UPF2: variants seen among roughly 807,000 people sequenced by gnomAD.
UPF2 encodes regulator of nonsense transcripts 2.
In UPF2, 17 loss-of-function variants were observed where a neutral mutation model predicts 141.4. The observed-to-expected ratio is 0.12, with a 90% CI of 0.08 to 0.18. The LOEUF is 0.18. Ranked by LOEUF, UPF2 falls within the 10% of genes least tolerant of loss-of-function variation. The pLI, the probability that UPF2 is intolerant of heterozygous loss-of-function variation, is 1.00. For missense variants in UPF2, 1,152 were observed against 1,515.9 expected (o/e 0.76, Z 3.99); for synonymous variants, 540 against 498.0 (o/e 1.08, Z -1.12).
At chr10:11,934,077 C>A (rs1832813665) in intron 19 of UPF2, among the ~76,000 whole-genome samples, 1 of 151,930 alleles carries the variant, frequency 6.6e-6, no homozygotes, top group African/African-American at 2.4e-5. Context: ...GCCAAGAAAG[C>A]CGGTGATGGG....
In UPF2 at chr10:11,920,660, T is replaced by C. The variant is rs1200482772; in HGVS notation, c.*638A>G. 2 of 244,764 alleles carry C rather than the reference T, an allele frequency of 8.2e-6. No individual in the cohort carries two copies. Among genetic ancestry groups the C allele is most frequent in the Admixed American group, 5.1e-5 (1 of 19,766 alleles). 15.2% of individuals were successfully genotyped at this position (244,764 alleles called of 1,614,324 possible). The stretch of plus-strand genomic sequence containing the variant: ...ATAGGCAATTTTATAGCACTGACTC[T>C]GATGGATAAAACGGATTTTTCTCCC... On this transcript the variant is annotated 3_prime_UTR_variant, in exon 22 of 22. Transcript: ENST00000357604.
In UPF2 at chr10:11,936,769, C is replaced by T; in HGVS notation, c.3379-57G>A. 6.8e-7 allele frequency: 1 copy of T among 1,460,412 alleles called. No homozygotes were observed. 90.5% of individuals were successfully genotyped at this position (1,460,412 alleles called of 1,614,324 possible). A position where few individuals can be genotyped will look rare whatever the true frequency, so the allele number is the denominator to read the frequency against. ...CTCCAAGATATATACGGATATATGT[C>T]AATATAAATTGCAAACTCATTCAAT... On this transcript the variant is annotated intron_variant, in intron 18 of 21. Transcript: ENST00000357604. The surrounding 1 kb of genome is among the most constrained non-coding windows in gnomAD (Gnocchi z 6.6).
At chr10:12,015,430 G>A (rs1261754932) in intron 3 of UPF2, among the ~76,000 whole-genome samples, 1 of 152,194 alleles carries the variant, frequency 6.6e-6, no homozygotes, top group African/African-American at 2.4e-5. Context: ...GGCCAGGCAT[G>A]GTGACTCACG....
intron 19 of UPF2, among the ~76,000 whole-genome samples, chr10:11,934,098 G>A (rs900485386): frequency 3.3e-5 from 5 of 152,186 alleles, no homozygotes; most frequent in African/African-American, 4.8e-5. Context: ...GGGAATGGAG[G>A]AGGAAGCTAA....
At chr10:11,993,010 C>T (rs970253055) in intron 8 of UPF2, among the ~76,000 whole-genome samples, 24 of 151,790 alleles carry the variant, frequency 1.6e-4, no homozygotes, top group African/African-American at 5.3e-4. Context: ...ATTACCCGGG[C>T]GTGGTGGTAC....
In UPF2 at chr10:11,999,816, TCAAA is replaced by T. The variant is rs1400479627; in HGVS notation, c.1758+86_1758+89del. 1.0e-5 allele frequency: 11 copies of T among 1,067,766 alleles called. 1 individual carries two copies. The South Asian group carries it at 1.1e-4, about 10-fold the overall frequency. 66.1% of individuals were successfully genotyped at this position (1,067,766 alleles called of 1,614,324 possible). A position where few individuals can be genotyped will look rare whatever the true frequency, so the allele number is the denominator to read the frequency against. The stretch of plus-strand genomic sequence containing the variant: ...TTGAAGAAATGGTGGACTTTGTAGC[TCAAA>T]CAGTCTAAAAACCATAGACATTCCT... On this transcript the variant is annotated intron_variant, in intron 7 of 21. Transcript: ENST00000357604.
chr10:11,990,965 G>C (rs531785141), intron 8 of UPF2, among the ~76,000 whole-genome samples: 95 of 144,914 alleles, frequency 6.6e-4, no homozygotes, highest in African/African-American at 2.4e-3. Context: ...TTCAGCGCTT[G>C]AGCGACAGAG....
chr10:11,956,373 C>T lies in UPF2; in HGVS notation c.2521G>A (p.Val841Ile), dbSNP rs1204048757. Residue 841 changes from valine (V) to isoleucine (I), a missense_variant, in exon 13 of 22, where the codon GTT becomes ATT. Physicochemically the swap from Val to Ile is conservative, Grantham distance 29. This residue lies in a region of UPF2 where 739 missense variants were observed against 1,032.2 expected (regional missense o/e 0.72). Coordinates refer to ENST00000357604, the MANE Select transcript of UPF2 (RefSeq NM_015542.4). The surrounding 1 kb of genome is among the most constrained non-coding windows in gnomAD (Gnocchi z 4.2). Reference protein sequence around the residue: ...LAGLVLYQEDVGIHVVDGVLE... With the variant: ...LAGLVLYQEDIGIHVVDGVLE... ...ACTCCATCCACAACGTGGATCCCAA[C>T]ATCCTCTTGGTAGAGCACTAGTCCT... 1.2e-6 allele frequency: 2 copies of T among 1,614,174 alleles called. No homozygotes were observed. The highest frequency in any genetic ancestry group is 2.2e-5 in the East Asian group (1 of 44,860).
At chr10:11,983,379 C>A (rs1833631073) in intron 8 of UPF2, among the ~76,000 whole-genome samples, 1 of 151,814 alleles carries the variant, frequency 6.6e-6, no homozygotes, top group African/African-American at 2.4e-5. Context: ...TTCTTATTTA[C>A]TTATTTTTTT....
intron 4 of UPF2, 151 bp from the exon 5 acceptor site, chr10:12,004,878 T>C (rs754332378): frequency 1.5e-6 from 1 of 655,462 alleles, no homozygotes; most frequent in Non-Finnish European, 2.5e-6. Context: ...ATGTGACCGT[T>C]TTCAACACCA....
chr10:11,926,337 A>C (rs1219618671), intron 21 of UPF2, among the ~76,000 whole-genome samples: 1 of 152,152 alleles, frequency 6.6e-6, no homozygotes, highest in Non-Finnish European at 1.5e-5. Flanking sequence ...GTGGGGTGGA[A>C]AGTCAGAAAT....
chr10:11,983,594 G>A (rs1210527642), intron 8 of UPF2, among the ~76,000 whole-genome samples: 4 of 152,076 alleles, frequency 2.6e-5, no homozygotes, highest in African/African-American at 4.8e-5. Flanking sequence ...GGATGGTTTC[G>A]ATCTCCTGAA....
chr10:11,941,595 G>A (rs1054342265), intron 18 of UPF2, among the ~76,000 whole-genome samples: 6 of 150,132 alleles, frequency 4.0e-5, no homozygotes, highest in East Asian at 1.9e-4. Context: ...TTAACTCTAC[G>A]ACCTTCTCTA....
intron 15 of UPF2, among the ~76,000 whole-genome samples, chr10:11,951,597 A>G (rs1207747644): frequency 1.3e-5 from 2 of 152,186 alleles, no homozygotes; most frequent in Non-Finnish European, 2.9e-5. Flanking sequence ...TAGAGACAGA[A>G]GCAACTCTGC....
chr10:11,961,628 G>A (rs1037405021), intron 11 of UPF2, among the ~76,000 whole-genome samples: 1 of 152,094 alleles, frequency 6.6e-6, no homozygotes, highest in African/African-American at 2.4e-5. Context: ...GGGGTGCTGG[G>A]TGGTGGTGGA....
Position 11,942,760 on chromosome 10 carries a change from C to T in UPF2, c.3283G>A (p.Val1095Ile), listed in dbSNP as rs1300296492. The T allele has an allele frequency of 1.9e-6, 3 of 1,612,890 alleles. No individual in the cohort carries two copies. The highest frequency in any genetic ancestry group is 1.1e-5 in the South Asian group (1 of 90,896). ...ENETDEENTE[V>I]MIKGGGLKHV... Reference sequence around the variant, plus strand: ...TTAAGTCCACCGCCTTTAATCATTACCTCCTTATTAAAACAAAACAACAAA... The same window carrying T: ...TTAAGTCCACCGCCTTTAATCATTATCTCCTTATTAAAACAAAACAACAAA... The change falls in exon 18 of 22, where the codon GTA becomes ATA. Residue 1095 changes from valine to isoleucine, a missense_variant. Physicochemically the swap from Val to Ile is conservative, Grantham distance 29 (BLOSUM62 3). Coordinates refer to ENST00000357604, the MANE Select transcript of UPF2 (RefSeq NM_015542.4).
intron 5 of UPF2, among the ~76,000 whole-genome samples, chr10:12,004,283 C>T (rs1273548634): frequency 1.3e-5 from 2 of 152,148 alleles, no homozygotes; most frequent in Non-Finnish European, 2.9e-5. Context: ...CACTACAAGA[C>T]ATTATAAACA....
intron 14 of UPF2, 39 bp downstream of exon 14, chr10:11,955,193 T>C (rs768270666): frequency 1.3e-5 from 20 of 1,521,292 alleles, no homozygotes; most frequent in Non-Finnish European, 1.8e-6. Context: ...ACATGCAATA[T>C]GTTAAATGAT....
chr10:11,973,611 A>T (rs1427474808), intron 9 of UPF2, among the ~76,000 whole-genome samples: 16 of 152,226 alleles, frequency 1.1e-4, no homozygotes, highest in Non-Finnish European at 2.1e-4. Context: ...ATGGCTAGCC[A>T]GTTTTCCCAA....
Sources: allele counts gnomAD v4.1 joint callset (sites outside exome capture counted in the v4.1 genomes callset), GRCh38; gene constraint gnomAD v4.1.1; regional missense constraint gnomAD v4.1.1; non-coding constraint Gnocchi (gnomAD v3.1); transcripts MANE v1.5; gene names NCBI Gene and HGNC (gene_info 2026-07-23, HGNC 2026-07-21).